RBMS1: variants seen among roughly 807,000 people sequenced by gnomAD.
RBMS1 encodes the protein RNA-binding motif, single-stranded-interacting protein 1.
In RBMS1, 17 loss-of-function variants were observed where a neutral mutation model predicts 62.3. That is an observed-to-expected ratio of 0.27 (90% CI 0.19 to 0.41). The LOEUF (loss-of-function observed/expected upper bound fraction) is 0.41, where lower values mean the gene tolerates loss of function less well. RBMS1 is among the 10% of genes least tolerant of loss of function. The probability of loss-of-function intolerance (pLI) is 1.00; values close to 1 mark genes in which losing one functional copy is unlikely to be tolerated. For missense variants in RBMS1, 334 were observed against 504.5 expected, an observed-to-expected ratio of 0.66 and a Z score of 3.24; for synonymous variants, 172 against 170.0, an observed-to-expected ratio of 1.01 and a Z score of -0.09.
At chr2:160,371,818 C>T (rs979491071) in intron 1 of RBMS1, among the ~76,000 whole-genome samples, 1 of 152,142 alleles carries the variant, frequency 6.6e-6, no homozygotes, top group Non-Finnish European at 1.5e-5. Flanking sequence ...GCATGGACAA[C>T]ACTGATGCCT....
chr2:160,337,135 C>CTTTT (rs768216149), intron 2 of RBMS1, among the ~76,000 whole-genome samples: 7 of 136,372 alleles, frequency 5.1e-5, no homozygotes, highest in African/African-American at 1.9e-4. Context: ...TTTTTCTTTT[C>CTTTT]TTTTTTTTTT....
chr2:160,437,616 T>C (rs1473355767), intron 1 of RBMS1, among the ~76,000 whole-genome samples: 1 of 152,236 alleles, frequency 6.6e-6, no homozygotes, highest in Non-Finnish European at 1.5e-5. Context: ...AGTATGTGAA[T>C]ACGACACTTC....
Position 160,407,411 on chromosome 2 carries a change from T to C in RBMS1, c.76-40020A>G, listed in dbSNP as rs558725377. 2.6e-3 allele frequency: 2,607 copies of C among 985,700 alleles called. 3 individuals carry two copies. Among genetic ancestry groups the C allele is most frequent in the South Asian group, 6.2e-3 (134 of 21,516 alleles). 61.1% of individuals were successfully genotyped at this position (985,700 alleles called of 1,614,324 possible). ...CGCGGAGCCCCTGAGCGCGGCCCCC[T>C]TTGTAACGCGGGGCTCGCCGACCTC... On this transcript the variant is annotated intron_variant, in intron 1 of 13. Coordinates refer to ENST00000348849, the MANE Select transcript of RBMS1 (RefSeq NM_016836.4).
rs5835799 is a variant in RBMS1, at chr2:160,318,229, TAAA to T, written c.252-5_252-3del. ...TTTGTGGAGACTATTTTCCCATATC[TAAA>T]AAAAAAAAAAAAAAAAAAAAGGAAA... is the stretch of plus-strand genomic sequence containing the variant. On this transcript the variant is annotated splice_polypyrimidine_tract_variant and splice_region_variant and intron_variant, in intron 2 of 13. Transcript: ENST00000348849. 34,283 of 1,124,692 alleles carry T rather than the reference TAAA, an allele frequency of 0.03. No homozygotes were observed. The highest frequency in any genetic ancestry group is 0.046 in the East Asian group (1,210 of 26,492). 69.7% of individuals were successfully genotyped at this position (1,124,692 alleles called of 1,614,324 possible).
intron 1 of RBMS1, among the ~76,000 whole-genome samples, chr2:160,404,498 T>A (rs1344118436): frequency 1.3e-5 from 2 of 152,192 alleles, no homozygotes; most frequent in Non-Finnish European, 2.9e-5. Flanking sequence ...TAATACAGTA[T>A]AACAATTATT....
intron 1 of RBMS1, among the ~76,000 whole-genome samples, chr2:160,417,515 G>A (rs1696255053): frequency 6.6e-6 from 1 of 152,156 alleles, no homozygotes; most frequent in South Asian, 2.1e-4. Context: ...CTCTGTATCA[G>A]TGTCCTATAA....
rs548513726 is a variant in RBMS1 at position 160,424,091 on chromosome 2, T to A, written c.76-56700A>T. On this transcript the variant is annotated intron_variant, in intron 1 of 13. Transcript: ENST00000348849. ...TGGAGTGCAGTGGTACAATCTCAGC[T>A]CACTGTAACCTCCGCCACTTGGGTT... Among the ~76,000 whole-genome samples the A allele has an allele frequency of 9.9e-5, 15 of 151,336 alleles. No homozygotes were observed. The South Asian group carries it at 3.1e-3, about 32-fold the overall frequency.
At chr2:160,472,264 G>A (rs1166376854) in intron 1 of RBMS1, among the ~76,000 whole-genome samples, 1 of 152,086 alleles carries the variant, frequency 6.6e-6, no homozygotes, top group Non-Finnish European at 1.5e-5. Flanking sequence ...GAAACAGGCA[G>A]AGAAAGAAAA....
At chr2:160,409,492 C>CT (rs1452060009) in intron 1 of RBMS1, among the ~76,000 whole-genome samples, 1 of 152,184 alleles carries the variant, frequency 6.6e-6, no homozygotes, top group Non-Finnish European at 1.5e-5. Flanking sequence ...TTTGACTTCC[C>CT]TTTTGCTGTC....
chr2:160,472,932 C>T (rs1449801967), intron 1 of RBMS1, among the ~76,000 whole-genome samples: 3 of 152,134 alleles, frequency 2.0e-5, no homozygotes, highest in African/African-American at 4.8e-5. Context: ...ATCATGAGTA[C>T]ACATAATGGT....
chr2:160,404,681 A>G (rs1695604332), intron 1 of RBMS1, among the ~76,000 whole-genome samples: 1 of 152,224 alleles, frequency 6.6e-6, no homozygotes, highest in South Asian at 2.1e-4. Context: ...TAAAATGTAG[A>G]AAGCTTTAAG....
intron 4 of RBMS1, among the ~76,000 whole-genome samples, chr2:160,307,072 T>A (rs193019504): frequency 2.6e-5 from 4 of 152,156 alleles, no homozygotes; most frequent in Admixed American, 2.6e-4. Context: ...GCTACTAACG[T>A]TCACGTGAGT....
At chr2:160,454,756 G>C (rs1023403768) in intron 1 of RBMS1, among the ~76,000 whole-genome samples, 5 of 152,154 alleles carry the variant, frequency 3.3e-5, no homozygotes, top group African/African-American at 1.2e-4. Context: ...AGTCACTAAG[G>C]GTTTTAGGTA....
chr2:160,396,402 A>G (rs1438654224), intron 1 of RBMS1, among the ~76,000 whole-genome samples: 2 of 152,190 alleles, frequency 1.3e-5, no homozygotes, highest in African/African-American at 4.8e-5. Flanking sequence ...GGTGCCAGAC[A>G]GACCCATATG....
intron 1 of RBMS1, among the ~76,000 whole-genome samples, chr2:160,444,024 T>C (rs1683535982): frequency 6.6e-6 from 1 of 152,148 alleles, no homozygotes; most frequent in Non-Finnish European, 1.5e-5. Flanking sequence ...CCCCAAACTC[T>C]CTTTAGGAAG....
chr2:160,365,794 C>T (rs903560103), intron 2 of RBMS1, among the ~76,000 whole-genome samples: 10 of 152,266 alleles, frequency 6.6e-5, no homozygotes, highest in East Asian at 3.9e-4. Flanking sequence ...CCTGTAATTA[C>T]GCTGCAAAAA....
At chr2:160,413,744 T>C (rs1037191706) in intron 1 of RBMS1, among the ~76,000 whole-genome samples, 21 of 152,216 alleles carry the variant, frequency 1.4e-4, no homozygotes, top group African/African-American at 5.1e-4. Flanking sequence ...TGTCATTTAT[T>C]GAGTAACTAA....
At chr2:160,430,298 C>T (rs1241301804) in intron 1 of RBMS1, among the ~76,000 whole-genome samples, 1 of 152,202 alleles carries the variant, frequency 6.6e-6, no homozygotes, top group Non-Finnish European at 1.5e-5. Context: ...TAATTTGTTA[C>T]TCCATAATAG....
chr2:160,380,893 ACAT>A (rs1480494902), intron 1 of RBMS1, among the ~76,000 whole-genome samples: 1 of 152,238 alleles, frequency 6.6e-6, no homozygotes, highest in Non-Finnish European at 1.5e-5. Context: ...TCAAATTAAA[ACAT>A]CATCCTACCT....
Sources: allele counts gnomAD v4.1 joint callset (sites outside exome capture counted in the v4.1 genomes callset), GRCh38; gene constraint gnomAD v4.1.1; transcripts MANE v1.5; gene names NCBI Gene and HGNC (gene_info 2026-07-23, HGNC 2026-07-21).